The following DOP1A variants were observed in gnomAD, a reference collection of about 807,000 sequenced individuals.
DOP1A encodes the protein DOP1 leucine zipper like protein A, also known as protein DOP1A.
DOP1A carries 90 observed loss-of-function variants against 267.6 expected under a neutral mutation model. The observed-to-expected ratio is 0.34, with a 90% confidence interval of 0.28 to 0.40. The LOEUF is 0.40. DOP1A is among the 10% of genes least tolerant of loss of function. DOP1A has a pLI of 1.00. For missense variants in DOP1A, 2,437 were observed against 2,900.4 expected (o/e 0.84, Z 3.67); for synonymous variants, 932 against 999.1 (o/e 0.93, Z 1.27).
chr6:83,135,918 A>G (rs1410553436), intron 20 of DOP1A, 40 bp downstream of exon 20: 10 of 1,589,954 alleles, frequency 6.3e-6, no homozygotes, highest in Non-Finnish European at 8.6e-6. Flanking sequence ...ATTTAGAATT[A>G]TTAAAATAAA....
chr6:83,076,788 AAGC>A (rs1767174479), intron 1 of DOP1A, among the ~76,000 whole-genome samples: 1 of 152,178 alleles, frequency 6.6e-6, no homozygotes, highest in Admixed American at 6.5e-5. Context: ...AAAGAGTTGA[AAGC>A]AGGATCTGGA....
At chr6:83,166,874 G>C (rs1785827642) in intron 38 of DOP1A, 2 of 992,834 alleles carry the variant, frequency 2.0e-6, no homozygotes, top group African/African-American at 3.5e-5. Flanking sequence ...TAATATGACA[G>C]ATTGTAATTC....
chr6:83,160,392 C>G (rs377053185), intron 37 of DOP1A, among the ~76,000 whole-genome samples: 5 of 152,168 alleles, frequency 3.3e-5, no homozygotes, highest in Admixed American at 6.5e-5. Flanking sequence ...AGACATGATA[C>G]GTCTGAAGTG....
At chr6:83,167,606 A>G (rs1032598957) in intron 38 of DOP1A, 15 of 1,173,836 alleles carry the variant, frequency 1.3e-5, no homozygotes, top group Non-Finnish European at 1.5e-5. Context: ...GTTCAAAGCT[A>G]TTTCTGTTAA....
chr6:83,095,316 TCTAA>T (rs958844275), intron 1 of DOP1A, among the ~76,000 whole-genome samples: 69 of 152,242 alleles, frequency 4.5e-4, no homozygotes, highest in African/African-American at 1.6e-3. Context: ...GTTTTATAGT[TCTAA>T]CTGTTACATT....
At chr6:83,136,365 C>G (rs1778858224) in intron 20 of DOP1A, among the ~76,000 whole-genome samples, 1 of 152,102 alleles carries the variant, frequency 6.6e-6, no homozygotes, top group Admixed American at 6.6e-5. Flanking sequence ...TACTATATTA[C>G]TACAAAGTCC....
intron 16 of DOP1A, 94 bp from the exon 17 acceptor site, chr6:83,130,029 A>G: frequency 1.3e-6 from 2 of 1,482,112 alleles, no homozygotes; most frequent in Non-Finnish European, 1.8e-6. Context: ...AAGGCCTTAA[A>G]AGTATTTAGT....
At chr6:83,093,223 G>A (rs1363054724) in intron 1 of DOP1A, among the ~76,000 whole-genome samples, 1 of 152,170 alleles carries the variant, frequency 6.6e-6, no homozygotes, top group African/African-American at 2.4e-5. Context: ...CTTGGCACAT[G>A]GTATGCTGAA....
At position 83,118,994 on chromosome 6, in the gene DOP1A, A is replaced by G. The variant is rs1162744360; in HGVS notation, c.880+7A>G. The stretch of plus-strand genomic sequence containing the variant: ...CTTTATGCATGGCTTCTTGGTAGGT[A>G]TTTGATGTCTGTGGTCATGATTGGG... On this transcript the variant is annotated splice_region_variant and intron_variant, in intron 8 of 38. Transcript: ENST00000349129. 6.2e-7 allele frequency: 1 copy of G among 1,612,218 alleles called. No individual in the cohort carries two copies. Among genetic ancestry groups the G allele is most frequent in the South Asian group, 1.1e-5 (1 of 91,044 alleles).
chr6:83,169,215 AG>A, downstream of DOP1A: 2 of 1,613,600 alleles, frequency 1.2e-6, no homozygotes, highest in Non-Finnish European at 1.7e-6. Flanking sequence ...CCAGTTTCTC[AG>A]GAATATGAAA....
chr6:83,135,602 A>G lies in DOP1A; in HGVS notation c.2871-17A>G. 2 of 1,598,188 alleles carry G rather than the reference A, an allele frequency of 1.3e-6. No homozygotes were observed. The highest frequency in any genetic ancestry group is 1.7e-6 in the Non-Finnish European group (2 of 1,170,474). On this transcript the variant is annotated splice_polypyrimidine_tract_variant and intron_variant, in intron 19 of 38. Transcript: ENST00000349129. Reference sequence around the variant, plus strand: ...AGATGTTTGGTTCTTTATTTTAATTATTTGTGTTTATTTTAGGTCACTGTT... The same window carrying G: ...AGATGTTTGGTTCTTTATTTTAATTGTTTGTGTTTATTTTAGGTCACTGTT...
chr6:83,084,554 T>A (rs1768724214), intron 1 of DOP1A, among the ~76,000 whole-genome samples: 1 of 152,046 alleles, frequency 6.6e-6, no homozygotes, highest in Non-Finnish European at 1.5e-5. Context: ...CGTCTGGGAG[T>A]ATCATACCTA....
intron 18 of DOP1A, 33 bp downstream of exon 18, chr6:83,132,361 T>C (rs777446017): frequency 2.8e-5 from 44 of 1,563,212 alleles, no homozygotes; most frequent in Non-Finnish European, 3.7e-5. Context: ...CACCGCCCCC[T>C]CCGCCACACA....
chr6:83,158,719 A>G, intron 36 of DOP1A, 97 bp downstream of exon 36: 1 of 816,992 alleles, frequency 1.2e-6, no homozygotes, highest in Non-Finnish European at 1.9e-6. Flanking sequence ...TCTTTTTCTG[A>G]ATACTTATTT....
chr6:83,150,965 C>T (rs888560521), intron 27 of DOP1A, among the ~76,000 whole-genome samples: 3 of 152,176 alleles, frequency 2.0e-5, no homozygotes, highest in Non-Finnish European at 4.4e-5. Flanking sequence ...CTCCCAATTA[C>T]TATTCTTTTA....
Position 83,168,240 on chromosome 6 carries a change from ATAGTTTTTCCTT to A in DOP1A, c.*75_*86del. ...AAACACACACACTGCTCTGCGTTGT[ATAGTTTTTCCTT>A]TTTTGTATGTAACAGAACACATTTC... On this transcript the variant is annotated 3_prime_UTR_variant, in exon 39 of 39. Coordinates refer to ENST00000349129, the MANE Select transcript of DOP1A (RefSeq NM_015018.4). The A allele has an allele frequency of 6.7e-7, 1 of 1,493,572 alleles. No homozygotes were observed. Among genetic ancestry groups the A allele is most frequent in the East Asian group, 2.4e-5 (1 of 41,920 alleles). The allele number at this position is 1,493,572 out of a possible 1,614,324, so 92.5% of individuals were successfully genotyped here. A position where few individuals can be genotyped will look rare whatever the true frequency, so the allele number is the denominator to read the frequency against.
chr6:83,082,232 A>G (rs1196028905), intron 1 of DOP1A, among the ~76,000 whole-genome samples: 2 of 152,240 alleles, frequency 1.3e-5, no homozygotes, highest in Non-Finnish European at 2.9e-5. Flanking sequence ...AAACAGCAGT[A>G]TTCACATAGC....
intron 38 of DOP1A, 141 bp downstream of exon 38, chr6:83,163,060 A>C: frequency 1.1e-6 from 1 of 877,210 alleles, no homozygotes; most frequent in Non-Finnish European, 1.7e-6. Flanking sequence ...TTGAGAGTTA[A>C]TGTCCATAAG....
At chr6:83,098,068 A>C (rs1056879384) in intron 3 of DOP1A, among the ~76,000 whole-genome samples, 3 of 151,420 alleles carry the variant, frequency 2.0e-5, no homozygotes, top group African/African-American at 7.3e-5. Context: ...TTATTTTTTT[A>C]GAGATAGGAT....
Sources: allele counts gnomAD v4.1 joint callset (sites outside exome capture counted in the v4.1 genomes callset), GRCh38; gene constraint gnomAD v4.1.1; transcripts MANE v1.5; gene names NCBI Gene and HGNC (gene_info 2026-07-23, HGNC 2026-07-21).